CCDC102B: variants seen among roughly 807,000 people sequenced by gnomAD.
CCDC102B encodes coiled-coil domain containing 102B, also known as coiled-coil domain-containing protein 102B.
A neutral mutation model predicts 57.4 loss-of-function variants in CCDC102B; 75 were observed. The ratio of observed to expected loss-of-function variants is 1.31; its 90% CI spans 1.08 to 1.58. CCDC102B has a LOEUF of 1.58. CCDC102B is among the 40% of genes most tolerant of loss of function. The probability of loss-of-function intolerance (pLI) is 0.00; values close to 1 mark genes in which losing one functional copy is unlikely to be tolerated. For missense variants in CCDC102B, 636 were observed against 582.6 expected (o/e 1.09, Z -0.94); for synonymous variants, 206 against 201.9 (o/e 1.02, Z -0.17).
chr18:68,850,390 C>T (rs1435897857), intron 4 of CCDC102B, among the ~76,000 whole-genome samples: 4 of 152,006 alleles, frequency 2.6e-5, no homozygotes, highest in Non-Finnish European at 4.4e-5. Flanking sequence ...CCATGGAACT[C>T]TTTCACTCTG....
At chr18:68,722,125 C>T (rs537291538) in intron 2 of CCDC102B, among the ~76,000 whole-genome samples, 4 of 152,216 alleles carry the variant, frequency 2.6e-5, no homozygotes, top group East Asian at 3.9e-4. Context: ...ATTTTAGATC[C>T]GTAGTATTGT....
intron 2 of CCDC102B, among the ~76,000 whole-genome samples, chr18:68,786,975 G>A (rs371100909): frequency 2.0e-5 from 3 of 151,938 alleles, no homozygotes; most frequent in East Asian, 3.9e-4. Context: ...TGTCATAGAT[G>A]GCTCTTATTA....
chr18:68,733,776 G>T (rs1845838697), intron 2 of CCDC102B, among the ~76,000 whole-genome samples: 1 of 151,786 alleles, frequency 6.6e-6, no homozygotes, highest in Non-Finnish European at 1.5e-5. Context: ...ACACTTTATT[G>T]CATGTTTGCT....
chr18:68,998,203 A>G (rs2051083009), intron 6 of CCDC102B, among the ~76,000 whole-genome samples: 4 of 151,892 alleles, frequency 2.6e-5, no homozygotes, highest in Admixed American at 2.6e-4. Context: ...ACTCTGGGAT[A>G]GAAACAAGCT....
chr18:68,816,474 T>C (rs2036480741), intron 1 of CCDC102B, among the ~76,000 whole-genome samples: 1 of 129,114 alleles, frequency 7.7e-6, no homozygotes, highest in Admixed American at 7.5e-5. Flanking sequence ...TTTTTTTTTT[T>C]TTTTTTTTTG....
At chr18:68,768,060 T>C (rs980083637) in intron 2 of CCDC102B, among the ~76,000 whole-genome samples, 2 of 152,188 alleles carry the variant, frequency 1.3e-5, no homozygotes, top group African/African-American at 2.4e-5. Context: ...ATTTAAACTA[T>C]CAGGCTAATT....
chr18:68,784,790 C>A (rs1226132950), intron 2 of CCDC102B, among the ~76,000 whole-genome samples: 2 of 151,858 alleles, frequency 1.3e-5, no homozygotes, highest in African/African-American at 4.8e-5. Flanking sequence ...TTCAGATTGT[C>A]TTTAAAGCCA....
chr18:68,887,748 T>C (rs986423879), intron 5 of CCDC102B, among the ~76,000 whole-genome samples: 1 of 152,230 alleles, frequency 6.6e-6, no homozygotes, highest in African/African-American at 2.4e-5. Flanking sequence ...AGTTTTAACC[T>C]TGCTAAGTAA....
intron 5 of CCDC102B, among the ~76,000 whole-genome samples, chr18:68,895,423 A>C (rs1439999927): frequency 5.9e-5 from 9 of 151,782 alleles, no homozygotes; most frequent in African/African-American, 1.9e-4. Flanking sequence ...ACTATAAAGG[A>C]TATTGTTGAA....
intron 2 of CCDC102B, among the ~76,000 whole-genome samples, chr18:68,784,992 A>C (rs1258196137): frequency 1.1e-5 from 1 of 94,662 alleles, no homozygotes; most frequent in African/African-American, 4.3e-5. Flanking sequence ...CCCACCCCAC[A>C]ACAGTCCCCA....
At chr18:68,838,955 C>T in intron 3 of CCDC102B, 29 bp downstream of exon 3, 3 of 1,557,616 alleles carry the variant, frequency 1.9e-6, no homozygotes, top group Non-Finnish European at 2.7e-6. Context: ...CTCCCTTAAC[C>T]AAGTCTAAGT....
chr18:68,997,904 A>AT (rs1478307929), intron 6 of CCDC102B, among the ~76,000 whole-genome samples: 1 of 151,696 alleles, frequency 6.6e-6, no homozygotes, highest in South Asian at 2.1e-4. Context: ...TTTGAATGCT[A>AT]TTTTTTCTGT....
At chr18:69,024,351 C>T (rs1295777940) in intron 7 of CCDC102B, among the ~76,000 whole-genome samples, 1 of 151,982 alleles carries the variant, frequency 6.6e-6, no homozygotes, top group Non-Finnish European at 1.5e-5. Context: ...TTTCAACACT[C>T]AGAGTTCTAA....
At chr18:68,761,402 A>C (rs1216630987) in intron 2 of CCDC102B, among the ~76,000 whole-genome samples, 1 of 152,038 alleles carries the variant, frequency 6.6e-6, no homozygotes, top group Non-Finnish European at 1.5e-5. Context: ...TGTGTGAAGC[A>C]GTTTCTGTTA....
At chr18:68,858,566 C>A (rs2144869842) in intron 4 of CCDC102B, among the ~76,000 whole-genome samples, 1 of 152,286 alleles carries the variant, frequency 6.6e-6, no homozygotes, top group African/African-American at 2.4e-5. Flanking sequence ...CATTGGCAGT[C>A]ATTGAGTTCT....
At chr18:68,874,212 G>GTATA (rs1031107929) in intron 4 of CCDC102B, among the ~76,000 whole-genome samples, 24 of 120,650 alleles carry the variant, frequency 2.0e-4, no homozygotes, top group African/African-American at 5.9e-4. Flanking sequence ...GTGTGTGTGT[G>GTATA]TATATATATA....
At chr18:68,760,298 A>T (rs1434566942) in intron 2 of CCDC102B, among the ~76,000 whole-genome samples, 1 of 152,102 alleles carries the variant, frequency 6.6e-6, no homozygotes, top group East Asian at 1.9e-4. Flanking sequence ...CACCCCAACG[A>T]CCTGTAATAT....
At chr18:68,851,394 C>T (rs12967563) in intron 4 of CCDC102B, among the ~76,000 whole-genome samples, 43,517 of 152,036 alleles carry the variant, frequency 0.29, 6,723 homozygotes, top group Non-Finnish European at 0.34. Context: ...AGATAAAACA[C>T]CATAGTAGAA....
chr18:68,812,655 G>C (rs1236723381), intron 1 of CCDC102B, among the ~76,000 whole-genome samples: 1 of 152,152 alleles, frequency 6.6e-6, no homozygotes, highest in Non-Finnish European at 1.5e-5. Flanking sequence ...AAAATACAAC[G>C]AGGCAGTGAA....
Sources: allele counts gnomAD v4.1 joint callset (sites outside exome capture counted in the v4.1 genomes callset), GRCh38; gene constraint gnomAD v4.1.1; transcripts MANE v1.5; gene names NCBI Gene and HGNC (gene_info 2026-07-23, HGNC 2026-07-21).